Variants in GRID2 observed in about 807,000 individuals in gnomAD.
GRID2 encodes the protein glutamate ionotropic receptor delta type subunit 2.
GRID2 carries 33 observed loss-of-function variants against 114.8 expected under a neutral mutation model. That is an observed-to-expected ratio of 0.29 (90% CI 0.22 to 0.38). The LOEUF (loss-of-function observed/expected upper bound fraction) is 0.38, where lower values mean the gene tolerates loss of function less well. GRID2 is among the 10% of genes least tolerant of loss of function. The probability of loss-of-function intolerance (pLI) is 1.00; values close to 1 mark genes in which losing one functional copy is unlikely to be tolerated. For missense variants in GRID2, 1,184 were observed against 1,257.7 expected, an observed-to-expected ratio of 0.94 and a Z score of 0.89; for synonymous variants, 505 against 449.9, an observed-to-expected ratio of 1.12 and a Z score of -1.55.
intron 2 of GRID2, among the ~76,000 whole-genome samples, chr4:92,805,144 A>G (rs572860305): frequency 3.3e-5 from 5 of 152,010 alleles, no homozygotes; most frequent in Admixed American, 2.0e-4. Flanking sequence ...AAATTTGCTT[A>G]TGTTTATCCT....
At chr4:92,826,972 C>G (rs1741747999) in intron 2 of GRID2, among the ~76,000 whole-genome samples, 1 of 151,956 alleles carries the variant, frequency 6.6e-6, no homozygotes, top group South Asian at 2.1e-4. Flanking sequence ...GTTCCATATT[C>G]TAACTGAGAT....
At chr4:93,207,175 G>C (rs933264856) in intron 4 of GRID2, among the ~76,000 whole-genome samples, 1 of 152,016 alleles carries the variant, frequency 6.6e-6, no homozygotes, top group Non-Finnish European at 1.5e-5. Flanking sequence ...TCTAGGTTTT[G>C]ATGAATTATG....
At chr4:92,470,880 T>A (rs1721999822) in intron 1 of GRID2, among the ~76,000 whole-genome samples, 1 of 152,058 alleles carries the variant, frequency 6.6e-6, no homozygotes, top group Non-Finnish European at 1.5e-5. Flanking sequence ...AAATGATGCT[T>A]TCAAAGTAGG....
At chr4:93,663,681 A>AT (rs1289096443) in intron 14 of GRID2, among the ~76,000 whole-genome samples, 3 of 152,282 alleles carry the variant, frequency 2.0e-5, no homozygotes, top group Middle Eastern at 3.4e-3. Context: ...CCAGATATAC[A>AT]TATCATCAGT....
At chr4:93,022,069 C>T (rs2149247108) in intron 2 of GRID2, among the ~76,000 whole-genome samples, 1 of 151,578 alleles carries the variant, frequency 6.6e-6, no homozygotes, top group South Asian at 2.1e-4. Flanking sequence ...AATGAATGCC[C>T]TCCAAACTCT....
chr4:93,211,781 A>G (rs1288961971), intron 5 of GRID2, among the ~76,000 whole-genome samples: 1 of 152,176 alleles, frequency 6.6e-6, no homozygotes, highest in Non-Finnish European at 1.5e-5. Context: ...TAGCACTTTT[A>G]TCTGAACAAG....
At chr4:92,551,247 T>G (rs1258781504) in intron 1 of GRID2, among the ~76,000 whole-genome samples, 1 of 143,404 alleles carries the variant, frequency 7.0e-6, no homozygotes, top group Non-Finnish European at 1.5e-5. Context: ...AATATATACA[T>G]CTACACCTGT....
rs578098455 is a variant in GRID2, at chr4:93,153,828, G to A, written c.735+42875G>A. Among the ~76,000 whole-genome samples the A allele has an allele frequency of 5.3e-5, 8 of 152,080 alleles. 1 individual carries two copies. Among genetic ancestry groups the A allele is most frequent in the African/African-American group, 1.4e-4 (6 of 41,516 alleles). ...TAGTTCTCCTAAGATTCTTCCAGAC[G>A]CAAAGTTGTTGGTTTTATTTTGGTA... On this transcript the variant is annotated intron_variant, in intron 4 of 15. Transcript: ENST00000282020.
intron 8 of GRID2, among the ~76,000 whole-genome samples, chr4:93,261,332 A>G (rs914331705): frequency 6.6e-5 from 10 of 151,852 alleles, no homozygotes; most frequent in African/African-American, 2.4e-4. Context: ...AAAGACATAC[A>G]ATGTGATCCT....
At chr4:92,405,535 G>A (rs991241299) in intron 1 of GRID2, among the ~76,000 whole-genome samples, 1 of 151,908 alleles carries the variant, frequency 6.6e-6, no homozygotes, top group African/African-American at 2.4e-5. Flanking sequence ...TTCTTTTTCT[G>A]TTCCTTGCTG....
chr4:92,393,219 T>C (rs1264372611), intron 1 of GRID2, among the ~76,000 whole-genome samples: 1 of 152,176 alleles, frequency 6.6e-6, no homozygotes, highest in African/African-American at 2.4e-5. Context: ...ACTCCTATGA[T>C]TCAAAAACCT....
At chr4:92,394,809 T>A (rs184017122) in intron 1 of GRID2, among the ~76,000 whole-genome samples, 70 of 151,974 alleles carry the variant, frequency 4.6e-4, no homozygotes, top group African/African-American at 1.6e-3. Flanking sequence ...TTTATGTAGA[T>A]CTGTATACTT....
intron 9 of GRID2, among the ~76,000 whole-genome samples, chr4:93,406,018 A>G (rs950444087): frequency 6.6e-6 from 1 of 152,098 alleles, no homozygotes; most frequent in Non-Finnish European, 1.5e-5. Context: ...AACCTTTAAG[A>G]TTATTAATTT....
At chr4:93,286,643 T>C (rs545610673) in intron 8 of GRID2, among the ~76,000 whole-genome samples, 2 of 151,614 alleles carry the variant, frequency 1.3e-5, no homozygotes, top group African/African-American at 4.8e-5. Context: ...GAAACTTCAA[T>C]TGTGAGCCCC....
At chr4:92,722,614 T>C (rs1426417459) in intron 2 of GRID2, among the ~76,000 whole-genome samples, 1 of 152,100 alleles carries the variant, frequency 6.6e-6, no homozygotes, top group Non-Finnish European at 1.5e-5. Flanking sequence ...TTCAATTTAG[T>C]ATACCAGAGA....
intron 11 of GRID2, among the ~76,000 whole-genome samples, chr4:93,467,843 C>T (rs925006103): frequency 1.2e-4 from 18 of 152,172 alleles, no homozygotes; most frequent in Non-Finnish European, 2.1e-4. Context: ...ATTAACTACA[C>T]TAATTTTTAC....
intron 8 of GRID2, among the ~76,000 whole-genome samples, chr4:93,341,701 G>C (rs1368620029): frequency 1.3e-5 from 2 of 152,110 alleles, no homozygotes; most frequent in Non-Finnish European, 2.9e-5. Context: ...ACATAAAGTG[G>C]AGTAGACCAA....
chr4:92,850,539 T>C (rs1743696654), intron 2 of GRID2, among the ~76,000 whole-genome samples: 2 of 151,926 alleles, frequency 1.3e-5, no homozygotes, highest in South Asian at 2.1e-4. Flanking sequence ...CAGACATTCA[T>C]TGTGAGTATT....
At chr4:93,132,634 T>A (rs1734905428) in intron 4 of GRID2, among the ~76,000 whole-genome samples, 1 of 152,184 alleles carries the variant, frequency 6.6e-6, no homozygotes, top group South Asian at 2.1e-4. Flanking sequence ...CTAATTATTA[T>A]TATTTCTTAA....
Sources: gnomAD v4.1 joint callset for allele counts (sites outside exome capture counted in the v4.1 genomes callset) on GRCh38, gnomAD v4.1.1 for gene constraint, MANE v1.5 for transcripts, NCBI Gene and HGNC (gene_info 2026-07-23, HGNC 2026-07-21) for gene names.